Variants in SAMD5 observed in about 807,000 individuals in gnomAD.
The protein encoded by SAMD5 is sterile alpha motif domain containing 5.
In SAMD5, 13 loss-of-function variants were observed where a neutral mutation model predicts 11.3. The observed-to-expected ratio is 1.15, with a 90% CI of 0.75 to 1.83. The LOEUF (loss-of-function observed/expected upper bound fraction) is 1.83, where lower values mean the gene tolerates loss of function less well. SAMD5 is among the 40% of genes most tolerant of loss of function. The probability of loss-of-function intolerance (pLI) is 0.00; values close to 1 mark genes in which losing one functional copy is unlikely to be tolerated. For synonymous variants in SAMD5, 129 were observed against 111.3 expected (o/e 1.16, Z -1.00); for missense variants, 255 against 239.1 (o/e 1.07, Z -0.44).
At chr6:147,781,612 A>G in the SAMD5 span, among the ~76,000 whole-genome samples, 20 of 152,258 alleles carry the variant, frequency 1.3e-4, no homozygotes, top group East Asian at 1.7e-3. Context: ...GCAAGAACCT[A>G]GTTGCTCAGA....
chr6:147,875,406 C>G, the SAMD5 span, among the ~76,000 whole-genome samples: 1 of 152,156 alleles, frequency 6.6e-6, no homozygotes, highest in African/African-American at 2.4e-5. Context: ...CTTCTTTACA[C>G]CCCCACATGC....
chr6:147,515,175 G>C (rs1219873706), intron 1 of SAMD5, among the ~76,000 whole-genome samples: 1 of 115,766 alleles, frequency 8.6e-6, no homozygotes, highest in East Asian at 2.8e-4. Context: ...TATCCTTCCA[G>C]GTTTTTTTTT....
chr6:147,929,889 G>GA, the SAMD5 span, among the ~76,000 whole-genome samples: 1 of 152,122 alleles, frequency 6.6e-6, no homozygotes, highest in Non-Finnish European at 1.5e-5. Flanking sequence ...TTGATTCTGG[G>GA]TTAAGTTAGT....
Position 147,734,781 on chromosome 6 carries a change from C to T in SAMD5, c.163-2536C>T, listed in dbSNP as rs140290096. Among the ~76,000 whole-genome samples the T allele has an allele frequency of 5.1e-3, 710 of 138,666 alleles. 6 individuals carry two copies. The highest frequency in any genetic ancestry group is 0.018 in the African/African-American group (678 of 38,228). 91.0% of individuals were successfully genotyped at this position (138,666 alleles called of 152,430 possible). ...AATCAAATATCTGGATAATTAAATC[C>T]GTATTTAAAAGGCACACATAGATAC... On this transcript the variant is annotated intron_variant, in intron 1 of 1. Transcript: ENST00000566741.
At chr6:147,666,120 G>A (rs1562346880) in intron 1 of SAMD5, among the ~76,000 whole-genome samples, 2 of 152,140 alleles carry the variant, frequency 1.3e-5, no homozygotes, top group Non-Finnish European at 2.9e-5. Context: ...TGTATTTTTA[G>A]TAGAGACGGG....
At chr6:147,762,342 G>C in the SAMD5 span, among the ~76,000 whole-genome samples, 2 of 152,022 alleles carry the variant, frequency 1.3e-5, no homozygotes, top group Non-Finnish European at 2.9e-5. Flanking sequence ...GGGATTAAAG[G>C]TGTGTGCCAC....
At chr6:147,722,330 A>G (rs1273559765) in intron 1 of SAMD5, among the ~76,000 whole-genome samples, 1 of 152,102 alleles carries the variant, frequency 6.6e-6, no homozygotes, top group Non-Finnish European at 1.5e-5. Flanking sequence ...GCGCATTCAC[A>G]GACACCATGA....
the SAMD5 span, among the ~76,000 whole-genome samples, chr6:147,816,531 A>G: frequency 6.6e-6 from 1 of 151,492 alleles, no homozygotes; most frequent in Admixed American, 6.6e-5. Flanking sequence ...CACATACAAA[A>G]GGCAGGCAGA....
the SAMD5 span, among the ~76,000 whole-genome samples, chr6:147,810,773 T>G: frequency 6.6e-6 from 1 of 152,216 alleles, no homozygotes; most frequent in Non-Finnish European, 1.5e-5. Context: ...GAATGCACTA[T>G]TATTGTCCCC....
At chr6:147,950,140 T>G in the SAMD5 span, among the ~76,000 whole-genome samples, 1 of 152,212 alleles carries the variant, frequency 6.6e-6, no homozygotes, top group Non-Finnish European at 1.5e-5. Context: ...TTTCACGCAG[T>G]TAGCCGTGCA....
In SAMD5 at chr6:147,569,425, T is replaced by C. The variant is rs899664590; in HGVS notation, c.*4969T>C. 3 of 960,428 alleles carry C rather than the reference T, an allele frequency of 3.1e-6. No homozygotes were observed. In the African/African-American group the frequency reaches 5.3e-5, roughly 17 times the overall value. The allele number at this position is 960,428 out of a possible 1,614,324, so 59.5% of individuals were successfully genotyped here. ...AAGTAGTATTTTTTTCTTAACAATT[T>C]TGCCAAAATTTCTTCTACTGGACCA... is the stretch of plus-strand genomic sequence containing the variant. On this transcript the variant is annotated 3_prime_UTR_variant, in exon 2 of 2. Transcript: ENST00000367474.
chr6:147,916,421 C>A, the SAMD5 span, among the ~76,000 whole-genome samples: 1 of 152,082 alleles, frequency 6.6e-6, no homozygotes, highest in Non-Finnish European at 1.5e-5. Context: ...CCTGTTGTTT[C>A]CTGACTTTTT....
At chr6:147,800,258 C>A in the SAMD5 span, among the ~76,000 whole-genome samples, 1 of 152,234 alleles carries the variant, frequency 6.6e-6, no homozygotes, top group South Asian at 2.1e-4. Flanking sequence ...GTGTGGATGT[C>A]CCTTCTGTTT....
At chr6:147,820,202 C>T in the SAMD5 span, among the ~76,000 whole-genome samples, 52 of 152,268 alleles carry the variant, frequency 3.4e-4, no homozygotes, top group South Asian at 1.9e-3. Context: ...CTGCTTTAAA[C>T]ATATTTCTGA....
chr6:147,641,157 T>A (rs7745630), intron 1 of SAMD5, among the ~76,000 whole-genome samples: 2,599 of 152,300 alleles, frequency 0.017, 72 homozygotes, highest in African/African-American at 0.06. Context: ...AATCTCTAAA[T>A]TCTTCTTCAT....
chr6:147,927,131 T>C, the SAMD5 span, among the ~76,000 whole-genome samples: 471 of 152,320 alleles, frequency 3.1e-3, 3 homozygotes, highest in African/African-American at 0.011. Flanking sequence ...TGTTTAATAT[T>C]GCCTTGGTTA....
the SAMD5 span, among the ~76,000 whole-genome samples, chr6:147,856,767 T>C: frequency 6.6e-6 from 1 of 151,036 alleles, no homozygotes; most frequent in African/African-American, 2.4e-5. Flanking sequence ...TGCTTTTTCA[T>C]TGACATTTTC....
At chr6:147,838,389 A>T in the SAMD5 span, among the ~76,000 whole-genome samples, 1 of 152,172 alleles carries the variant, frequency 6.6e-6, no homozygotes, top group South Asian at 2.1e-4. Flanking sequence ...TCAGTTCCTG[A>T]TTCTACCTCT....
intron 1 of SAMD5, among the ~76,000 whole-genome samples, chr6:147,690,510 G>A (rs4122009): frequency 0.4 from 60,714 of 151,954 alleles, 14,603 homozygotes; most frequent in Admixed American, 0.52. Context: ...TTAGCCGGGC[G>A]TGGTGGCGGG....
Sources: allele counts gnomAD v4.1 joint callset (sites outside exome capture counted in the v4.1 genomes callset), GRCh38; gene constraint gnomAD v4.1.1; transcripts MANE v1.5; gene names NCBI Gene and HGNC (gene_info 2026-07-23, HGNC 2026-07-21).